Variants in PGM3 observed in about 807,000 individuals in gnomAD.
PGM3 encodes the protein phosphoglucomutase 3.
A neutral mutation model predicts 66.2 loss-of-function variants in PGM3; 40 were observed. That is an observed-to-expected ratio of 0.60 (90% confidence interval 0.47 to 0.79). The LOEUF is 0.79. PGM3 is among the 30% of genes least tolerant of loss of function. The pLI is 0.00. For synonymous variants in PGM3, 191 were observed against 224.2 expected (o/e 0.85, Z 1.32); for missense variants, 537 against 643.4 (o/e 0.83, Z 1.79).
downstream of PGM3, among the ~76,000 whole-genome samples, chr6:83,156,485 C>T (rs1187167738): frequency 6.6e-6 from 1 of 152,130 alleles, no homozygotes; most frequent in Admixed American, 6.5e-5. Flanking sequence ...AGAAGTAACA[C>T]CTGGAGATCT....
chr6:83,156,299 C>T (rs1782768780), downstream of PGM3, among the ~76,000 whole-genome samples: 1 of 151,984 alleles, frequency 6.6e-6, no homozygotes, highest in Non-Finnish European at 1.5e-5. Context: ...GTAGGACTTG[C>T]CTAAATGTGG....
chr6:83,177,852 T>C (rs2128492869), intron 8 of PGM3, among the ~76,000 whole-genome samples: 1 of 152,256 alleles, frequency 6.6e-6, no homozygotes, highest in Admixed American at 6.5e-5. Flanking sequence ...AAAGTCCTGT[T>C]AGATCAGTTT....
chr6:83,175,141 C>T (rs1787662023), intron 9 of PGM3, among the ~76,000 whole-genome samples: 1 of 152,090 alleles, frequency 6.6e-6, no homozygotes, highest in African/African-American at 2.4e-5. Context: ...GGCTAGTCAC[C>T]TGTTTTTGTA....
At position 83,167,890 on chromosome 6, in the gene PGM3, G is replaced by C. The variant is rs748186099; in HGVS notation, c.*1344C>G. Reference sequence around the variant, plus strand: ...AATCCAGAGGAAGACAACTCAGGGAGAACATTGGGTTGGGAGCCAGGGCAC... The same window carrying C: ...AATCCAGAGGAAGACAACTCAGGGACAACATTGGGTTGGGAGCCAGGGCAC... On this transcript the variant is annotated 3_prime_UTR_variant, in exon 13 of 13. Coordinates refer to ENST00000513973, the MANE Select transcript of PGM3 (RefSeq NM_015599.3). The C allele has an allele frequency of 3.1e-6, 5 of 1,612,402 alleles. No individual in the cohort carries two copies. The South Asian group carries it at 4.4e-5, about 14-fold the overall frequency.
chr6:83,153,980 A>T, the PGM3 span: 1 of 1,614,066 alleles, frequency 6.2e-7, no homozygotes, highest in East Asian at 2.2e-5. Context: ...GCTTGGAAAA[A>T]AGAAGCTTTT....
At chr6:83,177,777 G>A (rs1787890376) in intron 8 of PGM3, among the ~76,000 whole-genome samples, 1 of 152,044 alleles carries the variant, frequency 6.6e-6, no homozygotes, top group South Asian at 2.1e-4. Flanking sequence ...CTTGACATCT[G>A]ATCTGAGTTC....
chr6:83,182,704 C>A (rs148163654), intron 5 of PGM3, 141 bp downstream of exon 5: 10 of 735,894 alleles, frequency 1.4e-5, no homozygotes, highest in African/African-American at 8.8e-5. Context: ...CCTTGTGTAG[C>A]CCTAGAGAAA....
In PGM3 at chr6:83,179,755, G is replaced by C. The variant is rs183634169; in HGVS notation, c.945+55C>G. The C allele has an allele frequency of 1.4e-5, 19 of 1,321,430 alleles. No homozygotes were observed. In the African/African-American group the frequency reaches 2.5e-4, roughly 17 times the overall value. The allele number at this position is 1,321,430 out of a possible 1,614,324, so 81.9% of individuals were successfully genotyped here. On this transcript the variant is annotated intron_variant, in intron 7 of 12. Transcript: ENST00000513973. ...TTCTGACAAATGATTGTAAAATATGGAACTATTTCACTACTAAGTCTTGTT... is the reference window on the plus strand; with the variant it reads ...TTCTGACAAATGATTGTAAAATATGCAACTATTTCACTACTAAGTCTTGTT...
chr6:83,167,730 G>A lies in PGM3; in HGVS notation c.*1504C>T. 6.9e-7 allele frequency: 1 copy of A among 1,444,828 alleles called. No individual in the cohort carries two copies. Among genetic ancestry groups the A allele is most frequent in the Non-Finnish European group, 9.1e-7 (1 of 1,101,176 alleles). The allele number at this position is 1,444,828 out of a possible 1,614,324, so 89.5% of individuals were successfully genotyped here. A position where few individuals can be genotyped will look rare whatever the true frequency, so the allele number is the denominator to read the frequency against. On this transcript the variant is annotated 3_prime_UTR_variant, in exon 13 of 13. Coordinates refer to ENST00000513973, the MANE Select transcript of PGM3 (RefSeq NM_015599.3). ...CAGAAGCACCAAGGGTTTTGATCAG[G>A]TCAGGAGTTAGAAACTTAATGTCAT...
At chr6:83,158,091 C>T (rs1783232946), downstream of PGM3, among the ~76,000 whole-genome samples, 1 of 151,996 alleles carries the variant, frequency 6.6e-6, no homozygotes. Context: ...CTCTGCCTCC[C>T]GGGTTCAGGC....
intron 1 of PGM3, among the ~76,000 whole-genome samples, chr6:83,192,169 C>G (rs536739): frequency 0.47 from 70,661 of 150,800 alleles, 17,082 homozygotes; most frequent in African/African-American, 0.59. Flanking sequence ...AGGAGGCTGA[C>G]GCAGGAGAAT....
At chr6:83,154,825 A>C in the PGM3 span, among the ~76,000 whole-genome samples, 1 of 152,206 alleles carries the variant, frequency 6.6e-6, no homozygotes, top group Admixed American at 6.5e-5. Flanking sequence ...AACGTTTGAA[A>C]GTTATTAAAT....
chr6:83,188,329 T>C (rs1788753921), intron 3 of PGM3, among the ~76,000 whole-genome samples: 1 of 151,546 alleles, frequency 6.6e-6, no homozygotes, highest in Non-Finnish European at 1.5e-5. Context: ...ACAGAGGGGG[T>C]GGGAGACATT....
chr6:83,179,698 C>G (rs1788033570), intron 7 of PGM3, 112 bp downstream of exon 7: 1 of 786,052 alleles, frequency 1.3e-6, no homozygotes, highest in Admixed American at 2.9e-5. Context: ...TTTCTGCCCA[C>G]TAATGTAAAG....
Position 83,187,047 on chromosome 6 carries a change from C to G in PGM3, c.418G>C (p.Val140Leu), listed in dbSNP as rs1788635997. 6.2e-7 allele frequency: 1 copy of G among 1,602,698 alleles called. No homozygotes were observed. The part of the protein sequence containing the change: ...RPSSEKLSQS[V>L]IDGVTVLGGQ... ...CCTAGAACAGTCACACCATCTATTA[C>G]AGATTGTGAAAGTTTCTCACTGCTG... is the stretch of plus-strand genomic sequence containing the variant. Residue 140 changes from valine (V) to leucine (L), a missense_variant, in exon 4 of 13, where the codon GTA becomes CTA. Physicochemically the swap from Val to Leu is conservative, Grantham distance 32. Coordinates refer to ENST00000513973, the MANE Select transcript of PGM3 (RefSeq NM_015599.3).
chr6:83,177,101 C>A (rs1787826812), intron 8 of PGM3, among the ~76,000 whole-genome samples: 1 of 152,138 alleles, frequency 6.6e-6, no homozygotes, highest in African/African-American at 2.4e-5. Flanking sequence ...AGTGTGACTA[C>A]AGTTGACATC....
chr6:83,155,471 T>G, the PGM3 span, among the ~76,000 whole-genome samples: 1 of 151,692 alleles, frequency 6.6e-6, no homozygotes, highest in Non-Finnish European at 1.5e-5. Context: ...CAAAGAAAAA[T>G]ACAAATAAAT....
rs1442860038 is a variant in PGM3, at chr6:83,170,452, A to G, written c.1392T>C (p.Thr464=). 6 of 1,613,902 alleles carry G rather than the reference A, an allele frequency of 3.7e-6. No homozygotes were observed. Among genetic ancestry groups the G allele is most frequent in the Admixed American group, 1.7e-5 (1 of 60,002 alleles). Residue 464 remains threonine, a synonymous_variant, in exon 12 of 13, where the codon ACT becomes ACC. Coordinates refer to ENST00000513973, the MANE Select transcript of PGM3 (RefSeq NM_015599.3). ...VQVADRRVIS[T]TDAERQAVTP... is the part of the protein sequence containing the mutation. Reference sequence around the variant, plus strand: ...TAACTGCTTGTCTTTCAGCATCGGTAGTGCTAATAACTCTCCTGTCTGCAA... The same window carrying G: ...TAACTGCTTGTCTTTCAGCATCGGTGGTGCTAATAACTCTCCTGTCTGCAA...
chr6:83,153,989 T>C, the PGM3 span: 1 of 1,614,104 alleles, frequency 6.2e-7, no homozygotes, highest in Non-Finnish European at 8.5e-7. Context: ...AAAGAAGCTT[T>C]TGACCTCTTT....
Sources: gnomAD v4.1 joint callset for allele counts (sites outside exome capture counted in the v4.1 genomes callset) on GRCh38, gnomAD v4.1.1 for gene constraint, MANE v1.5 for transcripts, NCBI Gene and HGNC (gene_info 2026-07-23, HGNC 2026-07-21) for gene names.